Variants in WWOX observed in about 807,000 individuals in gnomAD.
WWOX encodes WW domain-containing oxidoreductase.
Under a neutral mutation model 46.2 loss-of-function variants are expected in WWOX, and 69 were observed. The observed-to-expected ratio is 1.49, with a 90% CI of 1.23 to 1.82. The LOEUF is 1.82. WWOX is among the 40% of genes most tolerant of loss of function. The pLI, the probability that WWOX is intolerant of heterozygous loss-of-function variation, is 0.00. For synonymous variants in WWOX, 359 were observed against 202.6 expected (o/e 1.77, Z -6.56); for missense variants, 919 against 542.6 (o/e 1.69, Z -6.89).
intron 5 of WWOX, among the ~76,000 whole-genome samples, chr16:78,171,982 A>T (rs1173660759): frequency 6.6e-6 from 1 of 152,174 alleles, no homozygotes; most frequent in African/African-American, 2.4e-5. Context: ...TATTTATATT[A>T]TGTGTGAAAC....
At chr16:78,400,789 C>T (rs1286003579) in intron 6 of WWOX, among the ~76,000 whole-genome samples, 5 of 152,130 alleles carry the variant, frequency 3.3e-5, no homozygotes, top group Non-Finnish European at 7.4e-5. Flanking sequence ...CACTGTTACC[C>T]CTCAATCAAC....
intron 8 of WWOX, among the ~76,000 whole-genome samples, chr16:78,720,279 T>C (rs2048658879): frequency 6.6e-6 from 1 of 151,304 alleles, no homozygotes; most frequent in Non-Finnish European, 1.5e-5. Context: ...AAGGGAATCT[T>C]AATCATCTGA....
At chr16:78,726,621 T>A (rs955363904) in intron 8 of WWOX, among the ~76,000 whole-genome samples, 1 of 152,136 alleles carries the variant, frequency 6.6e-6, no homozygotes, top group East Asian at 1.9e-4. Context: ...CTAAACAATT[T>A]ATTTGAGCAA....
chr16:78,374,791 C>T (rs11645719), intron 5 of WWOX, among the ~76,000 whole-genome samples: 64,011 of 151,624 alleles, frequency 0.42, 16,194 homozygotes, highest in Non-Finnish European at 0.58. Flanking sequence ...ACCTTGTGGT[C>T]CGTCTGCCTC....
intron 5 of WWOX, among the ~76,000 whole-genome samples, chr16:78,329,467 A>T (rs2151890831): frequency 6.6e-6 from 1 of 152,304 alleles, no homozygotes; most frequent in African/African-American, 2.4e-5. Context: ...AACAGCAAAA[A>T]TAGTTCTTGA....
At chr16:78,234,822 T>A (rs2037384817) in intron 5 of WWOX, among the ~76,000 whole-genome samples, 1 of 150,988 alleles carries the variant, frequency 6.6e-6, no homozygotes. Context: ...CCCACACAGG[T>A]CTCATCAGCC....
At chr16:79,132,713 C>G (rs1385910170) in intron 8 of WWOX, among the ~76,000 whole-genome samples, 1 of 152,136 alleles carries the variant, frequency 6.6e-6, no homozygotes, top group Non-Finnish European at 1.5e-5. Flanking sequence ...GAAAGAGGCT[C>G]TGGCATACTT....
At chr16:78,284,542 A>G (rs1306540403) in intron 5 of WWOX, among the ~76,000 whole-genome samples, 1 of 152,196 alleles carries the variant, frequency 6.6e-6, no homozygotes, top group African/African-American at 2.4e-5. Flanking sequence ...TTCTTGTTTT[A>G]TAAAGTATCA....
chr16:78,509,656 T>C (rs936721145), intron 8 of WWOX, among the ~76,000 whole-genome samples: 1 of 152,140 alleles, frequency 6.6e-6, no homozygotes, highest in South Asian at 2.1e-4. Flanking sequence ...GGCAGGACTA[T>C]TTACACCACG....
At chr16:78,394,986 G>C (rs1306903477) in intron 6 of WWOX, among the ~76,000 whole-genome samples, 1 of 152,176 alleles carries the variant, frequency 6.6e-6, no homozygotes, top group East Asian at 1.9e-4. Flanking sequence ...ACAGTGCTTT[G>C]CAGGTTGTTG....
intron 8 of WWOX, among the ~76,000 whole-genome samples, chr16:78,912,304 A>G (rs561296834): frequency 1.1e-4 from 16 of 152,014 alleles, no homozygotes; most frequent in African/African-American, 2.9e-4. Flanking sequence ...GCACTATGCT[A>G]TGCACCTTAT....
At chr16:78,929,312 C>G (rs965591938) in intron 8 of WWOX, among the ~76,000 whole-genome samples, 7 of 151,566 alleles carry the variant, frequency 4.6e-5, no homozygotes, top group East Asian at 1.9e-4. Context: ...CCTCAAGTGT[C>G]CAATAAAAAG....
At chr16:78,897,087 A>AG (rs2044717781) in intron 8 of WWOX, 1 of 150,940 alleles carries the variant, frequency 6.6e-6, no homozygotes. Context: ...AAAAAGAAAA[A>AG]AAAAAAGAAA....
At chr16:78,611,254 C>G (rs1171246466) in intron 8 of WWOX, among the ~76,000 whole-genome samples, 1 of 152,176 alleles carries the variant, frequency 6.6e-6, no homozygotes, top group Admixed American at 6.5e-5. Flanking sequence ...ACATCTCCTT[C>G]TCATATGTTT....
chr16:79,186,510 T>C (rs571173984), intron 8 of WWOX, among the ~76,000 whole-genome samples: 1 of 152,234 alleles, frequency 6.6e-6, no homozygotes, highest in African/African-American at 2.4e-5. Flanking sequence ...ACTGGTCACA[T>C]TGGATTAAGG....
At chr16:78,764,550 C>T (rs968717285) in intron 8 of WWOX, among the ~76,000 whole-genome samples, 1 of 141,104 alleles carries the variant, frequency 7.1e-6, no homozygotes. Flanking sequence ...GTTGACATTT[C>T]TCCTTTGGCC....
chr16:78,353,124 G>T (rs1017853022), intron 5 of WWOX, among the ~76,000 whole-genome samples: 2 of 152,184 alleles, frequency 1.3e-5, no homozygotes, highest in Middle Eastern at 3.4e-3. Context: ...TCTATTTGTG[G>T]TCCAGCCAGC....
intron 4 of WWOX, among the ~76,000 whole-genome samples, chr16:78,151,897 T>C (rs1168575311): frequency 6.6e-6 from 1 of 152,112 alleles, no homozygotes. Flanking sequence ...TTTCTTAATA[T>C]TATAACATGG....
In WWOX at chr16:78,258,743, C is replaced by T. The variant is rs572442108; in HGVS notation, c.516+94454C>T. Among the ~76,000 whole-genome samples, 27 of 149,314 alleles carry T rather than the reference C, an allele frequency of 1.8e-4. No homozygotes were observed. The East Asian group carries it at 4.9e-3, about 27-fold the overall frequency. On this transcript the variant is annotated intron_variant, in intron 5 of 8. Coordinates refer to ENST00000566780, the MANE Select transcript of WWOX (RefSeq NM_016373.4). Reference sequence around the variant, plus strand: ...AAAAAAAAAAAAAAAAGGGCATATTCCCTAGCCAAGGCCCACATGGCTTTT... The same window carrying T: ...AAAAAAAAAAAAAAAAGGGCATATTTCCTAGCCAAGGCCCACATGGCTTTT...
Sources: allele counts gnomAD v4.1 joint callset (sites outside exome capture counted in the v4.1 genomes callset), GRCh38; gene constraint gnomAD v4.1.1; transcripts MANE v1.5; gene names NCBI Gene and HGNC (gene_info 2026-07-23, HGNC 2026-07-21).